Variants in SLC9B1 observed in about 807,000 individuals in gnomAD.
The protein encoded by SLC9B1 is solute carrier family 9 member B1.
Under a neutral mutation model 51.7 loss-of-function variants are expected in SLC9B1, and 32 were observed. The observed-to-expected ratio is 0.62, with a 90% CI of 0.47 to 0.83. SLC9B1 has a LOEUF of 0.83. Among genes scored for constraint, SLC9B1 ranks in the 40% least tolerant of loss-of-function variants. The pLI, the probability that SLC9B1 is intolerant of heterozygous loss-of-function variation, is 0.00. For synonymous variants in SLC9B1, 145 were observed against 212.7 expected (o/e 0.68, Z 2.77); for missense variants, 406 against 613.2 (o/e 0.66, Z 3.57).
chr4:102,925,699 CA>C (rs3974607), intron 7 of SLC9B1, among the ~76,000 whole-genome samples: 51 of 137,286 alleles, frequency 3.7e-4, no homozygotes, highest in East Asian at 1.0e-3. Context: ...TTCTTTTGTC[CA>C]AAAAAAAAAA....
At chr4:102,981,818 T>C (rs1739379824) in intron 3 of SLC9B1, among the ~76,000 whole-genome samples, 1 of 152,212 alleles carries the variant, frequency 6.6e-6, no homozygotes, top group African/African-American at 2.4e-5. Context: ...TTTCATTCTC[T>C]TGAAAGTGTA....
At chr4:103,003,657 T>G (rs1740641774) in intron 1 of SLC9B1, among the ~76,000 whole-genome samples, 1 of 152,116 alleles carries the variant, frequency 6.6e-6, no homozygotes, top group Non-Finnish European at 1.5e-5. Context: ...CTCTTGCCAC[T>G]ACCCCAGTGA....
intron 6 of SLC9B1, 64 bp downstream of exon 6, chr4:102,945,129 T>G (rs1193568106): frequency 1.4e-6 from 2 of 1,413,666 alleles, no homozygotes; most frequent in Non-Finnish European, 1.9e-6. Flanking sequence ...CTGAATATTT[T>G]AACAGTTTTA....
Position 103,013,384 on chromosome 4 carries a change from T to G in SLC9B1, c.-2+6215A>C, listed in dbSNP as rs141792045. ...ATTTTGTTATTTGCTCTACCATCCT[T>G]ACCTCTCTGGTGTCCTTTCTTTGTC... On this transcript the variant is annotated intron_variant, in intron 1 of 11. Coordinates refer to ENST00000296422, the MANE Select transcript of SLC9B1 (RefSeq NM_139173.4). Among the ~76,000 whole-genome samples, 207 of 152,344 alleles carry G rather than the reference T, an allele frequency of 1.4e-3. No individual in the cohort carries two copies. In the Middle Eastern group the frequency reaches 0.017, roughly 13 times the overall value.
At chr4:102,926,323 G>T (rs1736172527) in intron 7 of SLC9B1, among the ~76,000 whole-genome samples, 1 of 152,226 alleles carries the variant, frequency 6.6e-6, no homozygotes, top group South Asian at 2.1e-4. Context: ...GTTTGCAGAT[G>T]ACATGATTGT....
chr4:102,920,488 A>G (rs1185685527), intron 7 of SLC9B1, among the ~76,000 whole-genome samples: 3 of 152,254 alleles, frequency 2.0e-5, no homozygotes, highest in Admixed American at 6.5e-5. Context: ...TCTAAAAATC[A>G]GAGCACCTCT....
chr4:102,972,709 ACT>A (rs1383436839), intron 3 of SLC9B1, among the ~76,000 whole-genome samples: 10 of 152,084 alleles, frequency 6.6e-5, no homozygotes, highest in Admixed American at 4.6e-4. Context: ...TTGTTGTACA[ACT>A]CTATAAATTT....
chr4:103,001,527 G>A (rs1029214077), intron 1 of SLC9B1, among the ~76,000 whole-genome samples: 2 of 152,220 alleles, frequency 1.3e-5, no homozygotes, highest in Admixed American at 6.5e-5. Context: ...CAAAATGCCA[G>A]CAGTCTCTTT....
chr4:102,924,357 T>C (rs1258251262), intron 7 of SLC9B1, among the ~76,000 whole-genome samples: 1 of 152,102 alleles, frequency 6.6e-6, no homozygotes, highest in African/African-American at 2.4e-5. Context: ...TAGCAATACG[T>C]AGAAAACTGA....
rs764148231 is a variant in SLC9B1, at chr4:102,989,916, G to A, written c.95C>T (p.Ala32Val). 6.3e-7 allele frequency: 1 copy of A among 1,584,786 alleles called. No individual in the cohort carries two copies. Among genetic ancestry groups the A allele is most frequent in the South Asian group, 1.1e-5 (1 of 88,506 alleles). The change falls in exon 3 of 12, where the codon GCA becomes GTA. Residue 32 changes from alanine to valine, a missense_variant. Physicochemically the swap from Ala to Val is moderately conservative, Grantham distance 64. Around this residue, in one of 6 missense-constraint regions of SLC9B1, gnomAD observed 108 missense variants for 94.5 expected, o/e 1.14. Transcript: ENST00000296422. ...TAAGACAGTTTTAGTTTCTTCCTGT[G>A]CAGTATTATTAGGATCAATGAGACT... ...PQSLIDPNNT[A>V]QEETKTVLSD...
At chr4:102,937,780 C>T (rs946147140) in intron 6 of SLC9B1, among the ~76,000 whole-genome samples, 30 of 146,358 alleles carry the variant, frequency 2.0e-4, no homozygotes, top group African/African-American at 7.6e-4. Context: ...CCAAACTAAA[C>T]TTCATATTGA....
chr4:102,888,435 A>G (rs1734052280), intron 11 of SLC9B1: 1 of 152,160 alleles, frequency 6.6e-6, no homozygotes, highest in South Asian at 2.1e-4. Flanking sequence ...CCATGCACAA[A>G]TGCTGATCTG....
intron 3 of SLC9B1, among the ~76,000 whole-genome samples, chr4:102,982,809 T>A (rs1405315924): frequency 6.6e-6 from 1 of 152,132 alleles, no homozygotes; most frequent in Non-Finnish European, 1.5e-5. Flanking sequence ...TTTTTACCGA[T>A]ACAATCATCT....
At chr4:102,905,183 AG>A (rs1329091028) in intron 11 of SLC9B1, among the ~76,000 whole-genome samples, 2 of 128,700 alleles carry the variant, frequency 1.6e-5, no homozygotes, top group Non-Finnish European at 3.4e-5. Context: ...AAATAGAAAA[AG>A]ATTACATTAA....
chr4:102,932,158 TC>T lies in SLC9B1; in HGVS notation c.794del (p.Gly265AspfsTer6). On this transcript the variant is annotated frameshift_variant, in exon 7 of 12. Transcript: ENST00000296422. ...SSMDDILAIT[G>X]FNTCLSIVFS... ...AGACTATGCTCAAGCATGTATTGAA[TC>T]CAGTGATAGCCAGAATGTCATCCAT... 1 of 1,611,950 alleles carries T rather than the reference TC, an allele frequency of 6.2e-7. No homozygotes were observed. The highest frequency in any genetic ancestry group is 2.2e-5 in the East Asian group (1 of 44,854).
chr4:102,997,710 C>T (rs1049686940), intron 1 of SLC9B1, among the ~76,000 whole-genome samples: 3 of 152,058 alleles, frequency 2.0e-5, no homozygotes, highest in Admixed American at 6.5e-5. Flanking sequence ...CATTGCTAAC[C>T]TTGGTATTGT....
At chr4:102,944,558 TTGTAGTAACTA>T (rs1218068734) in intron 6 of SLC9B1, among the ~76,000 whole-genome samples, 3 of 152,260 alleles carry the variant, frequency 2.0e-5, no homozygotes. Context: ...TCACTGGATT[TTGTAGTAACTA>T]TGTAATGGAT....
At chr4:103,010,174 G>T (rs1741019115) in intron 1 of SLC9B1, among the ~76,000 whole-genome samples, 1 of 152,166 alleles carries the variant, frequency 6.6e-6, no homozygotes, top group Non-Finnish European at 1.5e-5. Flanking sequence ...CCACAGATTG[G>T]ATAATTTATA....
At chr4:102,914,224 G>GT (rs199952753) in intron 7 of SLC9B1, among the ~76,000 whole-genome samples, 1 of 114,728 alleles carries the variant, frequency 8.7e-6, no homozygotes, top group Middle Eastern at 4.4e-3. Context: ...CAGTCTGGGT[G>GT]CACTGGATGA....
Sources: gnomAD v4.1 joint callset for allele counts (sites outside exome capture counted in the v4.1 genomes callset) on GRCh38, gnomAD v4.1.1 for gene constraint, gnomAD v4.1.1 regional missense constraint, MANE v1.5 for transcripts, NCBI Gene and HGNC (gene_info 2026-07-23, HGNC 2026-07-21) for gene names.